Variants in FAT2 observed in about 807,000 individuals in gnomAD.
The protein encoded by FAT2 is protocadherin Fat 2.
A neutral mutation model predicts 295.3 loss-of-function variants in FAT2; 150 were observed. That is an observed-to-expected ratio of 0.51 (90% CI 0.44 to 0.58). The LOEUF (loss-of-function observed/expected upper bound fraction) is 0.58, where lower values mean the gene tolerates loss of function less well. Ranked by LOEUF, FAT2 falls within the 20% of genes least tolerant of loss-of-function variation. The pLI is 0.00. For missense variants in FAT2, 4,868 were observed against 5,442.7 expected (o/e 0.89, Z 3.32); for synonymous variants, 2,026 against 2,150.3 (o/e 0.94, Z 1.60).
Position 151,562,619 on chromosome 5 carries a change from G to A in FAT2, c.3574+706C>T, listed in dbSNP as rs553788371. On this transcript the variant is annotated intron_variant, in intron 3 of 23. Transcript: ENST00000261800. ...CGGGACTGTGAAGACAATGTGGCCA[G>A]ATCCTTCCATTTTTAAAAAACAACC... Among the ~76,000 whole-genome samples the A allele has an allele frequency of 2.6e-3, 400 of 152,290 alleles. 4 individuals carry two copies. The highest frequency in any genetic ancestry group is 9.2e-3 in the African/African-American group (381 of 41,562).
At position 151,550,480 on chromosome 5, in the gene FAT2, G is replaced by A. The variant is rs565285736; in HGVS notation, c.4578+110C>T. 597 of 1,244,072 alleles carry A rather than the reference G, an allele frequency of 4.8e-4. 9 individuals carry two copies. In the South Asian group the frequency reaches 7.4e-3, roughly 15 times the overall value. 77.1% of individuals were successfully genotyped at this position (1,244,072 alleles called of 1,614,324 possible). A position where few individuals can be genotyped will look rare whatever the true frequency, so the allele number is the denominator to read the frequency against. On this transcript the variant is annotated intron_variant, in intron 8 of 23. Transcript: ENST00000261800. ...CTGTGAAATGTCACAACTCTGTCTCGTGCATGGTCCTTATGAGGGGAAGGG... is the reference window on the plus strand; with the variant it reads ...CTGTGAAATGTCACAACTCTGTCTCATGCATGGTCCTTATGAGGGGAAGGG...
Position 151,527,292 on chromosome 5 carries a change from G to T in FAT2, c.10250C>A (p.Ala3417Asp). The change falls in exon 17 of 24, where the codon GCT becomes GAT. Residue 3417 changes from alanine (A) to aspartate (D), a missense_variant. Coordinates refer to ENST00000261800, the MANE Select transcript of FAT2 (RefSeq NM_001447.3). ...HEDTDIAIQV[A>D]DVNDNPPRFF... Reference sequence around the variant, plus strand: ...TCTCGGTGGGTTATCATTGACATCAGCCACTTGGATAGCGATGTCTGTGTC... The same window carrying T: ...TCTCGGTGGGTTATCATTGACATCATCCACTTGGATAGCGATGTCTGTGTC... The T allele has an allele frequency of 6.2e-7, 1 of 1,610,666 alleles. No homozygotes were observed. The highest frequency in any genetic ancestry group is 1.3e-5 in the African/African-American group (1 of 74,444).
chr5:151,517,911 G>A, intron 19 of FAT2, 146 bp from the exon 20 acceptor site: 1 of 967,874 alleles, frequency 1.0e-6, no homozygotes, highest in Non-Finnish European at 1.5e-6. Context: ...GGTGTGGGGT[G>A]TGCCATACCT....
At chr5:151,549,208 T>A in intron 9 of FAT2, 87 bp downstream of exon 9, 2 of 1,268,190 alleles carry the variant, frequency 1.6e-6, no homozygotes, top group Non-Finnish European at 2.2e-6. Context: ...TGGTACTTGA[T>A]TAATTTGCGA....
At chr5:151,539,003 G>C (rs1192124304) in intron 11 of FAT2, among the ~76,000 whole-genome samples, 2 of 152,046 alleles carry the variant, frequency 1.3e-5, no homozygotes, top group Non-Finnish European at 2.9e-5. Context: ...GGTTCCCCAG[G>C]CCTCTTTTTT....
chr5:151,567,752 G>A lies in FAT2; in HGVS notation c.1180C>T (p.Gln394Ter). 2 of 1,614,190 alleles carry A rather than the reference G, an allele frequency of 1.2e-6. No individual in the cohort carries two copies. The highest frequency in any genetic ancestry group is 1.7e-6 in the Non-Finnish European group (2 of 1,180,050). Residue 394 changes from glutamine (Q) to a stop codon, truncating the protein, a stop_gained, in exon 2 of 24, where the codon CAG becomes TAG. Transcript: ENST00000261800. LOFTEE classifies it high-confidence loss of function. The part of the protein sequence containing the change: ...VRVTPAFPNL[Q>*]YVLKPSSENV... ...TCTGAAGATGGCTTTAGAACATACTGCAGGTTGGGGAAGGCTGGGGTGACT... is the reference window on the plus strand; with the variant it reads ...TCTGAAGATGGCTTTAGAACATACTACAGGTTGGGGAAGGCTGGGGTGACT...
intron 1 of FAT2, among the ~76,000 whole-genome samples, chr5:151,574,054 T>A (rs1343116475): frequency 6.6e-6 from 1 of 152,056 alleles, no homozygotes; most frequent in East Asian, 1.9e-4. Context: ...ATGCCTATGG[T>A]CTCTATCAGA....
At chr5:151,562,639 A>G (rs563955911) in intron 3 of FAT2, among the ~76,000 whole-genome samples, 6 of 152,240 alleles carry the variant, frequency 3.9e-5, no homozygotes, top group Non-Finnish European at 7.3e-5. Flanking sequence ...TTTTTAAAAA[A>G]CAACCAGAAA....
In FAT2 at chr5:151,542,189, G is replaced by A. The variant is rs1756217174; in HGVS notation, c.8842+96C>T. The A allele has an allele frequency of 8.2e-6, 10 of 1,219,946 alleles. No individual in the cohort carries two copies. The East Asian group carries it at 1.9e-4, about 23-fold the overall frequency. 75.6% of individuals were successfully genotyped at this position (1,219,946 alleles called of 1,614,324 possible). On this transcript the variant is annotated intron_variant, in intron 10 of 23. Coordinates refer to ENST00000261800, the MANE Select transcript of FAT2 (RefSeq NM_001447.3). ...GTGCCCAAGGTCACACTGCTAATAAGTGGCAAATCCAGGACATGAACCCAT... is the reference window on the plus strand; with the variant it reads ...GTGCCCAAGGTCACACTGCTAATAAATGGCAAATCCAGGACATGAACCCAT...
rs1761205738 is a variant in FAT2, at chr5:151,510,113, G to A, written c.11967C>T (p.Asn3989=). 5.0e-6 allele frequency: 8 copies of A among 1,614,202 alleles called. No individual in the cohort carries two copies. Among genetic ancestry groups the A allele is most frequent in the Non-Finnish European group, 3.4e-6 (4 of 1,180,012 alleles). The change falls in exon 22 of 24, where the codon AAC becomes AAT. Residue 3989 remains asparagine, a synonymous_variant. Transcript: ENST00000261800. ...SGKHCEQGRE[N]CTFAPCLEGG... ...CTTCCAGGCAGGGTGCAAAAGTACA[G>A]TTCTCCCTTCCTTGTTCACAGTGCT...
At chr5:151,561,148 A>G (rs1219790641) in intron 3 of FAT2, among the ~76,000 whole-genome samples, 1 of 152,210 alleles carries the variant, frequency 6.6e-6, no homozygotes, top group Non-Finnish European at 1.5e-5. Context: ...TTCTCTAAGG[A>G]AAGAACAGCT....
chr5:151,538,094 C>CAG (rs200021303), intron 11 of FAT2, 148 bp from the exon 12 acceptor site: 44 of 590,742 alleles, frequency 7.4e-5, no homozygotes, highest in Non-Finnish European at 1.1e-4. Context: ...AGAACAGAGA[C>CAG]AGAGAGAGAG....
chr5:151,528,724 C>T (rs1754284589), intron 15 of FAT2, among the ~76,000 whole-genome samples: 1 of 151,986 alleles, frequency 6.6e-6, no homozygotes, highest in South Asian at 2.1e-4. Flanking sequence ...TATGGGTGGA[C>T]AGAACTGGGT....
rs35489594 is a variant in FAT2, at chr5:151,550,644, C to T, written c.4524G>A (p.Thr1508=). 10,691 of 1,614,194 alleles carry T rather than the reference C, an allele frequency of 6.6e-3. 59 individuals carry two copies. The highest frequency in any genetic ancestry group is 7.9e-3 in the Non-Finnish European group (9,279 of 1,180,026). Reference sequence around the variant, plus strand: ...CCGAGCCGAGGTCCAATTTTCCCACCGTTACCAGGACACCACTGCTTGGGT... The same window carrying T: ...CCGAGCCGAGGTCCAATTTTCCCACTGTTACCAGGACACCACTGCTTGGGT... ...QLDPSSGVLV[T]VGKLDLGSGP... Residue 1508 remains threonine (T), a synonymous_variant, in exon 8 of 24, where the codon ACG becomes ACA. Coordinates refer to ENST00000261800, the MANE Select transcript of FAT2 (RefSeq NM_001447.3).
At position 151,504,394 on chromosome 5, in the gene FAT2, G is replaced by C. The variant is rs1000791756; in HGVS notation, c.*1171C>G. ...GAGGCTTCTGGTCCCCACCACTCCT[G>C]GCTACATACACTCTACACATGTGTA... On this transcript the variant is annotated 3_prime_UTR_variant, in exon 24 of 24. Transcript: ENST00000261800. The C allele has an allele frequency of 3.3e-5, 5 of 152,692 alleles. No homozygotes were observed. The highest frequency in any genetic ancestry group is 4.8e-5 in the African/African-American group (2 of 41,470). The allele number at this position is 152,692 out of a possible 1,614,324, so 9.5% of individuals were successfully genotyped here.
intron 19 of FAT2, among the ~76,000 whole-genome samples, chr5:151,520,506 T>A (rs1453207359): frequency 2.0e-5 from 3 of 152,212 alleles, no homozygotes; most frequent in Non-Finnish European, 4.4e-5. Flanking sequence ...ACACAGAGTG[T>A]GGCGTACAGC....
At chr5:151,546,563 G>A (rs1756657029) in intron 9 of FAT2, among the ~76,000 whole-genome samples, 1 of 152,036 alleles carries the variant, frequency 6.6e-6, no homozygotes, top group African/African-American at 2.4e-5. Flanking sequence ...CTAAGTTTCT[G>A]GGACACAACT....
rs199648973 is a variant in FAT2 at position 151,517,692 on chromosome 5, A to G, written c.11391T>C (p.His3797=). Reference sequence around the variant, plus strand: ...GTGGCTGGAGTGTTTTCAGATAGAAATGGATGTGCCAGTTCCGAGCCGCTG... The same window carrying G: ...GTGGCTGGAGTGTTTTCAGATAGAAGTGGATGTGCCAGTTCCGAGCCGCTG... ...RAPAARNWHI[H]FYLKTLQPQA... is the part of the protein sequence containing the mutation. The change falls in exon 20 of 24, where the codon CAT becomes CAC. Residue 3797 remains histidine, a synonymous_variant. Transcript: ENST00000261800. 15 of 1,614,204 alleles carry G rather than the reference A, an allele frequency of 9.3e-6. No homozygotes were observed. The highest frequency in any genetic ancestry group is 1.6e-4 in the Middle Eastern group (1 of 6,062).
chr5:151,591,921 G>C (rs1759426810), upstream of FAT2, among the ~76,000 whole-genome samples: 1 of 152,174 alleles, frequency 6.6e-6, no homozygotes, highest in Non-Finnish European at 1.5e-5. Flanking sequence ...CCCATAAAAG[G>C]TAATTCTTAT....
Sources: allele counts gnomAD v4.1 joint callset (sites outside exome capture counted in the v4.1 genomes callset), GRCh38; gene constraint gnomAD v4.1.1; transcripts MANE v1.5; gene names NCBI Gene and HGNC (gene_info 2026-07-23, HGNC 2026-07-21).